Variants in MMP26 observed in about 807,000 individuals in gnomAD.
MMP26 encodes matrix metallopeptidase 26.
MMP26 carries 33 observed loss-of-function variants against 31.0 expected under a neutral mutation model. The ratio of observed to expected loss-of-function variants is 1.06; its 90% CI spans 0.81 to 1.42. MMP26 has a LOEUF of 1.42. MMP26 is among the 40% of genes most tolerant of loss of function. The pLI, the probability that MMP26 is intolerant of heterozygous loss-of-function variation, is 0.00. For missense variants in MMP26, 347 were observed against 316.1 expected (o/e 1.10, Z -0.74); for synonymous variants, 122 against 114.9 (o/e 1.06, Z -0.40).
intron 2 of MMP26, among the ~76,000 whole-genome samples, chr11:4,854,448 C>A (rs552075632): frequency 6.6e-6 from 1 of 152,168 alleles, no homozygotes; most frequent in African/African-American, 2.4e-5. Context: ...CCCACGCCCA[C>A]GGAACCTTGC....
At chr11:4,777,899 T>C (rs570373657) in intron 2 of MMP26, among the ~76,000 whole-genome samples, 2 of 152,248 alleles carry the variant, frequency 1.3e-5, no homozygotes, top group South Asian at 4.1e-4. Context: ...AATTCTGCTA[T>C]GAATATTACT....
intron 1 of MMP26, among the ~76,000 whole-genome samples, chr11:4,728,033 A>G (rs1423067603): frequency 2.0e-5 from 3 of 152,254 alleles, no homozygotes; most frequent in Non-Finnish European, 2.9e-5. Flanking sequence ...GTAAAATTTT[A>G]AAAACAAGGT....
intron 2 of MMP26, chr11:4,832,682 A>T (rs906094892): frequency 5.1e-6 from 1 of 195,544 alleles, no homozygotes; most frequent in Non-Finnish European, 1.1e-5. Context: ...CTTCACCAGG[A>T]TGTAATGAAG....
intron 2 of MMP26, among the ~76,000 whole-genome samples, chr11:4,940,378 C>T (rs945296777): frequency 2.6e-5 from 4 of 152,150 alleles, no homozygotes; most frequent in Non-Finnish European, 4.4e-5. Flanking sequence ...TTAATCTCCA[C>T]GACATCTTAT....
At chr11:4,877,677 G>A (rs566608190) in intron 2 of MMP26, 9 of 152,194 alleles carry the variant, frequency 5.9e-5, no homozygotes, top group South Asian at 4.1e-4. Context: ...TGCAAGCTGA[G>A]GAACTGAATT....
chr11:4,893,196 G>C (rs974936803), intron 2 of MMP26, among the ~76,000 whole-genome samples: 1 of 151,198 alleles, frequency 6.6e-6, no homozygotes, highest in African/African-American at 2.4e-5. Flanking sequence ...AATATAATAT[G>C]GATCAAATAA....
chr11:4,915,473 A>G lies in MMP26; in HGVS notation c.-144-72595A>G, dbSNP rs147532743. ...AGCCAGCATGGACAGGAAGAGATACATAGGTTCATGAAGTGAGCGCTCTGT... is the reference window on the plus strand; with the variant it reads ...AGCCAGCATGGACAGGAAGAGATACGTAGGTTCATGAAGTGAGCGCTCTGT... On this transcript the variant is annotated intron_variant, in intron 2 of 7. Transcript: ENST00000380390. 602 of 1,614,158 alleles carry G rather than the reference A, an allele frequency of 3.7e-4. 3 individuals carry two copies. In the East Asian group the frequency reaches 0.011, roughly 28 times the overall value.
rs534979227 is a variant in MMP26, at chr11:4,857,426, A to G, written c.-145+90085A>G. ...CAATCTCACAGAGATACAAACTACCATCAGAGAATACTATAAACACCTCTG... is the reference window on the plus strand; with the variant it reads ...CAATCTCACAGAGATACAAACTACCGTCAGAGAATACTATAAACACCTCTG... On this transcript the variant is annotated intron_variant, in intron 2 of 7. Transcript: ENST00000380390. Among the ~76,000 whole-genome samples, 16 of 152,228 alleles carry G rather than the reference A, an allele frequency of 1.1e-4. No individual in the cohort carries two copies. In the South Asian group the frequency reaches 2.7e-3, roughly 26 times the overall value.
chr11:4,841,869 G>T (rs1423710869), intron 2 of MMP26, among the ~76,000 whole-genome samples: 3 of 152,188 alleles, frequency 2.0e-5, no homozygotes. Context: ...AGTGGCAGAG[G>T]TTGTGGTGAG....
chr11:4,720,881 T>C (rs949908516), intron 1 of MMP26, among the ~76,000 whole-genome samples: 3 of 152,172 alleles, frequency 2.0e-5, no homozygotes, highest in Non-Finnish European at 4.4e-5. Context: ...TACAGCCCAC[T>C]GATGGTTGAT....
At chr11:4,759,437 G>T (rs558313400) in intron 1 of MMP26, among the ~76,000 whole-genome samples, 1 of 152,058 alleles carries the variant, frequency 6.6e-6, no homozygotes, top group Non-Finnish European at 1.5e-5. Flanking sequence ...TTGCTAGTGT[G>T]CATGTCATGT....
intron 1 of MMP26, among the ~76,000 whole-genome samples, chr11:4,763,259 G>T (rs1037920557): frequency 6.6e-6 from 1 of 152,094 alleles, no homozygotes; most frequent in Non-Finnish European, 1.5e-5. Context: ...AAAGGCCAAA[G>T]GAGACACTGA....
intron 1 of MMP26, chr11:4,710,850 T>G (rs1847853903): frequency 6.0e-6 from 1 of 167,656 alleles, no homozygotes; most frequent in Admixed American, 5.5e-5. Flanking sequence ...GTAGATCTCA[T>G]GTAACGTAGA....
chr11:4,715,461 G>A (rs761323740), intron 1 of MMP26, among the ~76,000 whole-genome samples: 2 of 151,942 alleles, frequency 1.3e-5, no homozygotes, highest in Non-Finnish European at 2.9e-5. Context: ...TACGTAGTTC[G>A]GTGGATCAAA....
At chr11:4,769,674 T>C in intron 2 of MMP26, 3 of 1,613,154 alleles carry the variant, frequency 1.9e-6, no homozygotes, top group South Asian at 2.2e-5. Context: ...CCTAATGTTG[T>C]TGACAATGAA....
chr11:4,970,559 G>A (rs747965523), intron 2 of MMP26, among the ~76,000 whole-genome samples: 17 of 152,218 alleles, frequency 1.1e-4, no homozygotes, highest in Non-Finnish European at 2.1e-4. Context: ...CTTAAGCTGA[G>A]GTTTATTGTG....
chr11:4,939,937 A>C (rs1274530018), intron 2 of MMP26, among the ~76,000 whole-genome samples: 1 of 152,160 alleles, frequency 6.6e-6, no homozygotes, highest in African/African-American at 2.4e-5. Context: ...AAATAGTCTT[A>C]TGTCAATAGA....
intron 2 of MMP26, chr11:4,786,825 C>A: frequency 6.5e-6 from 1 of 152,768 alleles, no homozygotes; most frequent in East Asian, 1.9e-4. Context: ...GGCTGGAGGC[C>A]TTCCACATCT....
chr11:4,925,085 A>G (rs539435342), intron 2 of MMP26, among the ~76,000 whole-genome samples: 3 of 152,304 alleles, frequency 2.0e-5, no homozygotes, highest in Admixed American at 2.0e-4. Context: ...GTAAATGCCT[A>G]ATGTGCATTA....
Sources: allele counts gnomAD v4.1 joint callset (sites outside exome capture counted in the v4.1 genomes callset), GRCh38; gene constraint gnomAD v4.1.1; transcripts MANE v1.5; gene names NCBI Gene and HGNC (gene_info 2026-07-23, HGNC 2026-07-21).